MBD5: variants seen among roughly 807,000 people sequenced by gnomAD.
The protein encoded by MBD5 is methyl-CpG binding domain protein 5, also known as methyl-CpG-binding domain protein 5.
Under a neutral mutation model 117.3 loss-of-function variants are expected in MBD5, and 13 were observed. That is an observed-to-expected ratio of 0.11 (90% CI 0.07 to 0.18). The LOEUF (loss-of-function observed/expected upper bound fraction) is 0.18. Among genes scored for constraint, MBD5 ranks in the 10% least tolerant of loss-of-function variants. The probability of loss-of-function intolerance (pLI) is 1.00; values close to 1 mark genes in which losing one functional copy is unlikely to be tolerated. For missense variants in MBD5, 1,879 were observed against 2,093.8 expected (o/e 0.90, Z 2.00); for synonymous variants, 727 against 766.4 (o/e 0.95, Z 0.85).
At position 148,469,172 on chromosome 2, in the gene MBD5, C is replaced by T; in HGVS notation, c.1229C>T (p.Pro410Leu). The T allele has an allele frequency of 6.2e-7, 1 of 1,614,002 alleles. No homozygotes were observed. Among genetic ancestry groups the T allele is most frequent in the Admixed American group, 1.7e-5 (1 of 59,992 alleles). The change falls in exon 8 of 14, where the codon CCA becomes CTA. Residue 410 changes from proline to leucine, a missense_variant. By Grantham distance (98) the Pro-to-Leu change is moderately conservative. This residue lies in a region of MBD5 where 1,666 missense variants were observed against 1,792.2 expected (regional missense o/e 0.93). Transcript: ENST00000642680. ...CCTTTGCCAAGTAATCTCCCATTGC[C>T]AACTGTAAAACCTGGTCACATGAAT... ...VVPLPSNLPL[P>L]TVKPGHMNHG...
At chr2:148,478,215 C>T (rs1403796324) in intron 8 of MBD5, among the ~76,000 whole-genome samples, 2 of 152,236 alleles carry the variant, frequency 1.3e-5, no homozygotes, top group Non-Finnish European at 2.9e-5. Flanking sequence ...AAAATTTACT[C>T]GTGCTGTCAT....
chr2:148,147,719 A>G (rs961507027), intron 1 of MBD5, among the ~76,000 whole-genome samples: 9 of 151,878 alleles, frequency 5.9e-5, no homozygotes, highest in Admixed American at 5.2e-4. Context: ...TGTTACCTTT[A>G]TGGTCAACTA....
At chr2:148,418,292 T>C (rs1364616932) in intron 4 of MBD5, among the ~76,000 whole-genome samples, 1 of 152,222 alleles carries the variant, frequency 6.6e-6, no homozygotes. Context: ...AGTGTTTTAG[T>C]TTAACTAGGC....
intron 3 of MBD5, among the ~76,000 whole-genome samples, chr2:148,242,393 C>A (rs1700234159): frequency 6.9e-6 from 1 of 145,034 alleles, no homozygotes; most frequent in Admixed American, 6.9e-5. Context: ...TATATATATT[C>A]ATTTCCATAT....
At chr2:148,357,089 A>C (rs1703399824) in intron 4 of MBD5, among the ~76,000 whole-genome samples, 1 of 152,168 alleles carries the variant, frequency 6.6e-6, no homozygotes, top group Non-Finnish European at 1.5e-5. Context: ...GAAAGGAGAG[A>C]AGTAGTGAGT....
At chr2:148,505,536 A>C (rs1682006463) in intron 12 of MBD5, among the ~76,000 whole-genome samples, 1 of 152,180 alleles carries the variant, frequency 6.6e-6, no homozygotes, top group Non-Finnish European at 1.5e-5. Flanking sequence ...GAACTGAAAA[A>C]TCCCCATCAG....
rs192991361 is a variant in MBD5, at chr2:148,491,640, A to C, written c.4962+1046A>C. On this transcript the variant is annotated intron_variant, in intron 11 of 13. Coordinates refer to ENST00000642680, the MANE Select transcript of MBD5 (RefSeq NM_001378120.1). ...TTCTCCAAATGACTAGGAGGTCCTA[A>C]AACCTTGCTCATAATGCCTAATATA... Among the ~76,000 whole-genome samples the C allele has an allele frequency of 5.9e-5, 9 of 152,160 alleles. No homozygotes were observed. In the East Asian group the frequency reaches 1.7e-3, roughly 29 times the overall value.
chr2:148,395,820 A>G (rs548817349), intron 4 of MBD5, among the ~76,000 whole-genome samples: 71 of 152,270 alleles, frequency 4.7e-4, no homozygotes, highest in Admixed American at 1.7e-3. Context: ...GAATCACACC[A>G]TATAAGCCAC....
rs556106560 is a variant in MBD5 at position 148,280,058 on chromosome 2, GCTTTTTT to G, written c.-680+46673_-680+46679del. Among the ~76,000 whole-genome samples, 65 of 130,434 alleles carry G rather than the reference GCTTTTTT, an allele frequency of 5.0e-4. 1 individual carries two copies. In the East Asian group the frequency reaches 0.014, roughly 28 times the overall value. 85.6% of individuals were successfully genotyped at this position (130,434 alleles called of 152,430 possible). On this transcript the variant is annotated intron_variant, in intron 3 of 13. Transcript: ENST00000642680. ...ACTGATATTTCTCTTGGTTGCTTCT[GCTTTTTT>G]CTTTTTTCTCGTTTCCTGGTTTGGA...
At chr2:148,322,487 A>T (rs1702307457) in intron 3 of MBD5, among the ~76,000 whole-genome samples, 1 of 152,204 alleles carries the variant, frequency 6.6e-6, no homozygotes, top group African/African-American at 2.4e-5. Flanking sequence ...ATGAAATTTG[A>T]TCTTAATCTG....
chr2:148,110,767 C>A (rs1242613793), intron 1 of MBD5, among the ~76,000 whole-genome samples: 1 of 151,620 alleles, frequency 6.6e-6, no homozygotes, highest in African/African-American at 2.4e-5. Context: ...AATTGTCTTA[C>A]CTTTTTCTTT....
chr2:148,226,964 G>GT (rs1314347969), intron 2 of MBD5, among the ~76,000 whole-genome samples: 1 of 152,068 alleles, frequency 6.6e-6, no homozygotes, highest in South Asian at 2.1e-4. Context: ...GGGGTTGTTT[G>GT]TTTTTTTCTT....
At chr2:148,345,500 T>TAC (rs1351193435) in intron 4 of MBD5, among the ~76,000 whole-genome samples, 1 of 46,244 alleles carries the variant, frequency 2.2e-5, no homozygotes, top group Non-Finnish European at 4.6e-5. Context: ...TATATACACA[T>TAC]ACATATACAT....
At chr2:148,414,846 AT>A (rs1271572900) in intron 4 of MBD5, among the ~76,000 whole-genome samples, 1 of 151,990 alleles carries the variant, frequency 6.6e-6, no homozygotes, top group Non-Finnish European at 1.5e-5. Flanking sequence ...CTTTGAGCCT[AT>A]GGGTATCATT....
intron 1 of MBD5, among the ~76,000 whole-genome samples, chr2:148,158,371 A>G (rs62183899): frequency 0.012 from 1,769 of 152,352 alleles, 20 homozygotes; most frequent in Non-Finnish European, 0.018. Flanking sequence ...GCCTTTAAGC[A>G]CATGAAGCCC....
intron 1 of MBD5, among the ~76,000 whole-genome samples, chr2:148,151,030 G>A (rs2105644675): frequency 6.7e-6 from 1 of 149,038 alleles, no homozygotes; most frequent in Admixed American, 6.7e-5. Context: ...AGTTTTCAAA[G>A]GGAATGCTTC....
chr2:148,180,343 C>CACATATATATATATATATATATAT (rs757856356), intron 2 of MBD5, among the ~76,000 whole-genome samples: 1 of 105,544 alleles, frequency 9.5e-6, no homozygotes, highest in African/African-American at 3.6e-5. Context: ...AAAAATTATA[C>CACATATATATATATATATATATAT]ATATATATAT....
At chr2:148,105,643 T>C (rs2105322979) in intron 1 of MBD5, among the ~76,000 whole-genome samples, 1 of 152,262 alleles carries the variant, frequency 6.6e-6, no homozygotes, top group African/African-American at 2.4e-5. Context: ...CAGGGCCCGC[T>C]TTTAGCTTTC....
At chr2:148,470,706 T>C in intron 8 of MBD5, 1 of 513,044 alleles carries the variant, frequency 1.9e-6, no homozygotes, top group African/African-American at 1.9e-5. Context: ...TTTTGAATAT[T>C]GTTCGACTTT....
Sources: allele counts gnomAD v4.1 joint callset (sites outside exome capture counted in the v4.1 genomes callset), GRCh38; gene constraint gnomAD v4.1.1; regional missense constraint gnomAD v4.1.1; transcripts MANE v1.5; gene names NCBI Gene and HGNC (gene_info 2026-07-23, HGNC 2026-07-21).